TVP23B: variants seen among roughly 807,000 people sequenced by gnomAD.
The protein encoded by TVP23B is trans-golgi network vesicle protein 23 homolog B.
TVP23B carries 10 observed loss-of-function variants against 30.6 expected under a neutral mutation model. The observed-to-expected ratio is 0.33, with a 90% CI of 0.20 to 0.55. The LOEUF is 0.55. TVP23B is among the 20% of genes least tolerant of loss of function. The pLI is 0.91. For missense variants in TVP23B, 153 were observed against 243.2 expected (o/e 0.63, Z 2.47); for synonymous variants, 67 against 83.1 (o/e 0.81, Z 1.06).
chr17:18,801,326 A>G (rs1395393244), intron 5 of TVP23B, among the ~76,000 whole-genome samples: 26 of 151,544 alleles, frequency 1.7e-4, no homozygotes, highest in South Asian at 4.2e-4. Flanking sequence ...TTTTTTCACT[A>G]TAGTTTTGCA....
chr17:18,793,471 C>T (rs1242293897), intron 3 of TVP23B, among the ~76,000 whole-genome samples: 9 of 148,214 alleles, frequency 6.1e-5, no homozygotes, highest in East Asian at 2.0e-4. Flanking sequence ...AAAAATGAGC[C>T]GGGCGTGGTG....
At chr17:18,796,156 CAG>C (rs1434060090) in intron 3 of TVP23B, 16 of 151,638 alleles carry the variant, frequency 1.1e-4, no homozygotes, top group African/African-American at 3.2e-4. Context: ...TCTATTGTGT[CAG>C]GGTGTTTTTA....
intron 3 of TVP23B, chr17:18,795,934 T>C (rs186071969): frequency 6.6e-6 from 1 of 151,548 alleles, no homozygotes; most frequent in Admixed American, 6.6e-5. Flanking sequence ...ATAGCATATA[T>C]AAGGTTTGGT....
intron 2 of TVP23B, among the ~76,000 whole-genome samples, chr17:18,789,877 T>G (rs1418802334): frequency 2.6e-5 from 4 of 152,222 alleles, no homozygotes; most frequent in Non-Finnish European, 5.9e-5. Flanking sequence ...CTTTCATCTT[T>G]CATGCCAGTC....
At chr17:18,802,173 G>C (rs1330096567) in intron 5 of TVP23B, among the ~76,000 whole-genome samples, 1 of 152,142 alleles carries the variant, frequency 6.6e-6, no homozygotes, top group Non-Finnish European at 1.5e-5. Flanking sequence ...AGTGAGCCAA[G>C]ATCGTGCCAC....
intron 1 of TVP23B, among the ~76,000 whole-genome samples, chr17:18,786,646 T>G (rs1367670446): frequency 6.6e-6 from 1 of 152,064 alleles, no homozygotes; most frequent in African/African-American, 2.4e-5. Context: ...GTATCAGCCT[T>G]TTTTTGTTTG....
intron 4 of TVP23B, among the ~76,000 whole-genome samples, chr17:18,797,926 C>G (rs2036100300): frequency 6.6e-6 from 1 of 151,768 alleles, no homozygotes. Context: ...AGCTGCCTGT[C>G]AGGGATTGCT....
chr17:18,799,096 C>T, intron 5 of TVP23B, 153 bp downstream of exon 5: 1 of 833,570 alleles, frequency 1.2e-6, no homozygotes, highest in South Asian at 2.7e-5. Context: ...CCCAACTTTA[C>T]CTTTCTCTAT....
intron 5 of TVP23B, among the ~76,000 whole-genome samples, chr17:18,802,305 T>C (rs1284254245): frequency 3.3e-5 from 5 of 152,046 alleles, no homozygotes; most frequent in African/African-American, 1.2e-4. Context: ...TCTCCATGAG[T>C]CTCCCACCTC....
chr17:18,781,391 C>T, intron 1 of TVP23B, 86 bp downstream of exon 1: 2 of 1,532,148 alleles, frequency 1.3e-6, no homozygotes, highest in African/African-American at 2.7e-5. Flanking sequence ...GCGTCCCCCG[C>T]GCCCGCTACT....
intron 2 of TVP23B, 41 bp downstream of exon 2, chr17:18,789,476 T>G: frequency 6.2e-7 from 1 of 1,613,772 alleles, no homozygotes; most frequent in Non-Finnish European, 8.5e-7. Flanking sequence ...TAGTGTCCAG[T>G]GCTGTTCTGT....
At chr17:18,801,997 C>T (rs1178185335) in intron 5 of TVP23B, among the ~76,000 whole-genome samples, 2 of 151,986 alleles carry the variant, frequency 1.3e-5, no homozygotes, top group East Asian at 1.9e-4. Flanking sequence ...CCAAGGCGGG[C>T]GGATCACGAG....
At chr17:18,801,511 G>A (rs1318974272) in intron 5 of TVP23B, among the ~76,000 whole-genome samples, 3 of 152,194 alleles carry the variant, frequency 2.0e-5, no homozygotes, top group African/African-American at 7.2e-5. Context: ...GGGTTTGGTG[G>A]CCTGAAGACA....
intron 5 of TVP23B, among the ~76,000 whole-genome samples, chr17:18,801,537 A>G (rs1216964920): frequency 6.6e-6 from 1 of 152,118 alleles, no homozygotes; most frequent in Non-Finnish European, 1.5e-5. Flanking sequence ...GTGATGTGCG[A>G]TGTGGAGAAC....
intron 6 of TVP23B, among the ~76,000 whole-genome samples, chr17:18,805,157 C>T (rs1200426700): frequency 4.1e-4 from 60 of 145,814 alleles, no homozygotes; most frequent in African/African-American, 1.5e-3. Flanking sequence ...GGCGCGATCT[C>T]GGCTTACTGC....
chr17:18,787,124 G>A (rs543333509), intron 1 of TVP23B, among the ~76,000 whole-genome samples: 2 of 152,140 alleles, frequency 1.3e-5, no homozygotes, highest in East Asian at 3.9e-4. Flanking sequence ...GTTGGGCGTG[G>A]TGGCTCACAC....
intron 3 of TVP23B, chr17:18,797,138 TAGTA>T: frequency 5.4e-6 from 1 of 185,154 alleles, no homozygotes; most frequent in South Asian, 1.0e-4. Context: ...TTTATTACCT[TAGTA>T]AGTAGGAAAA....
intron 5 of TVP23B, among the ~76,000 whole-genome samples, chr17:18,801,290 C>T (rs1009504274): frequency 6.6e-6 from 1 of 152,046 alleles, no homozygotes; most frequent in Non-Finnish European, 1.5e-5. Flanking sequence ...CTTCACCTAT[C>T]TTCTGTATAC....
Position 18,804,411 on chromosome 17 carries a change from G to C in TVP23B, c.591+145G>C, listed in dbSNP as rs2036217514. On this transcript the variant is annotated intron_variant, in intron 6 of 6. Coordinates refer to ENST00000307767, the MANE Select transcript of TVP23B (RefSeq NM_016078.6). ...GATAAAGATGTTGTAATTGCTCTTT[G>C]GGGGTGTTCAAGACAGTCTGGAAGT... The C allele has an allele frequency of 3.7e-6, 5 of 1,358,654 alleles. No individual in the cohort carries two copies. The East Asian group carries it at 1.3e-4, about 35-fold the overall frequency. 84.2% of individuals were successfully genotyped at this position (1,358,654 alleles called of 1,614,324 possible). A position where few individuals can be genotyped will look rare whatever the true frequency, so the allele number is the denominator to read the frequency against.
Sources: allele counts gnomAD v4.1 joint callset (sites outside exome capture counted in the v4.1 genomes callset), GRCh38; gene constraint gnomAD v4.1.1; transcripts MANE v1.5; gene names NCBI Gene and HGNC (gene_info 2026-07-23, HGNC 2026-07-21).